The following XPNPEP3 variants were observed in gnomAD, a reference collection of about 807,000 sequenced individuals.
XPNPEP3 encodes xaa-Pro aminopeptidase 3.
Under a neutral mutation model 60.0 loss-of-function variants are expected in XPNPEP3, and 41 were observed. The ratio of observed to expected loss-of-function variants is 0.68; its 90% CI spans 0.53 to 0.89. The LOEUF is 0.89. XPNPEP3 is among the 40% of genes least tolerant of loss of function. The pLI is 0.00. For missense variants in XPNPEP3, 598 were observed against 638.9 expected, an observed-to-expected ratio of 0.94 and a Z score of 0.69; for synonymous variants, 212 against 223.2, an observed-to-expected ratio of 0.95 and a Z score of 0.45.
chr22:40,862,735 CAT>C, intron 1 of XPNPEP3: 1 of 985,384 alleles, frequency 1.0e-6, no homozygotes, highest in Non-Finnish European at 1.2e-6. Context: ...TGCTGTAAAA[CAT>C]GTAATTAAAG....
At chr22:40,923,967 G>A (rs766627293) in intron 8 of XPNPEP3, among the ~76,000 whole-genome samples, 1 of 152,154 alleles carries the variant, frequency 6.6e-6, no homozygotes, top group African/African-American at 2.4e-5. Flanking sequence ...ATGTGTGAAC[G>A]AACATTGGAA....
intron 1 of XPNPEP3, chr22:40,861,114 T>G: frequency 6.2e-7 from 1 of 1,611,344 alleles, no homozygotes; most frequent in Non-Finnish European, 8.5e-7. Flanking sequence ...ACGCTTCTTT[T>G]TTTTCCTCTT....
chr22:40,875,159 A>G (rs1423775875), intron 2 of XPNPEP3, among the ~76,000 whole-genome samples: 2 of 151,912 alleles, frequency 1.3e-5, no homozygotes, highest in African/African-American at 2.4e-5. Flanking sequence ...CAATGTACCT[A>G]TGTAATTTTA....
chr22:40,877,589 T>G (rs2145781547), intron 2 of XPNPEP3, among the ~76,000 whole-genome samples: 1 of 152,374 alleles, frequency 6.6e-6, no homozygotes, highest in East Asian at 1.9e-4. Flanking sequence ...TCAGAACTGA[T>G]AGTGAGACTT....
At chr22:40,864,049 T>C (rs1265230041) in intron 1 of XPNPEP3, among the ~76,000 whole-genome samples, 2 of 152,156 alleles carry the variant, frequency 1.3e-5, no homozygotes, top group Non-Finnish European at 1.5e-5. Flanking sequence ...ATCCACAGAG[T>C]AAAGTAAAAG....
chr22:40,860,670 T>TA, intron 1 of XPNPEP3: 2 of 1,195,220 alleles, frequency 1.7e-6, no homozygotes, highest in Non-Finnish European at 2.3e-6. Flanking sequence ...TTTTTTTTTT[T>TA]AAGACAGGGT....
intron 3 of XPNPEP3, among the ~76,000 whole-genome samples, chr22:40,883,510 C>T (rs993963182): frequency 6.6e-6 from 1 of 152,128 alleles, no homozygotes; most frequent in Non-Finnish European, 1.5e-5. Context: ...CTGGGCACAC[C>T]ACTATGTCTG....
intron 4 of XPNPEP3, among the ~76,000 whole-genome samples, chr22:40,887,301 C>T (rs973314031): frequency 1.3e-5 from 2 of 152,104 alleles, no homozygotes; most frequent in African/African-American, 4.8e-5. Flanking sequence ...TCTGGTCCTC[C>T]CTAGGTGAGG....
chr22:40,916,811 C>T (rs1843111024), intron 7 of XPNPEP3, among the ~76,000 whole-genome samples: 1 of 152,080 alleles, frequency 6.6e-6, no homozygotes. Context: ...AAAGGACAGC[C>T]AGGCGAGGTG....
At chr22:40,893,546 A>G (rs2146259557) in intron 4 of XPNPEP3, among the ~76,000 whole-genome samples, 1 of 151,266 alleles carries the variant, frequency 6.6e-6, no homozygotes, top group South Asian at 2.1e-4. Context: ...CCTGTGAAAC[A>G]GGAATCAAGA....
At chr22:40,893,205 C>T (rs2058095080) in intron 4 of XPNPEP3, among the ~76,000 whole-genome samples, 1 of 146,946 alleles carries the variant, frequency 6.8e-6, no homozygotes. Context: ...GCTTTCCCAA[C>T]ACAGATCCTT....
intron 4 of XPNPEP3, among the ~76,000 whole-genome samples, chr22:40,895,201 A>G (rs1191301718): frequency 2.0e-5 from 3 of 152,184 alleles, no homozygotes; most frequent in Non-Finnish European, 4.4e-5. Flanking sequence ...CATGAATCTG[A>G]TGATTCTTTC....
chr22:40,918,009 TAAAA>T (rs34474574), intron 7 of XPNPEP3, among the ~76,000 whole-genome samples: 1 of 124,914 alleles, frequency 8.0e-6, no homozygotes, highest in Non-Finnish European at 1.7e-5. Flanking sequence ...AGACTCTGTC[TAAAA>T]AAAAAAAAAA....
Position 40,886,523 on chromosome 22 carries a change from T to G in XPNPEP3, c.792+8T>G, listed in dbSNP as rs1231651171. 1 of 1,613,324 alleles carries G rather than the reference T, an allele frequency of 6.2e-7. No individual in the cohort carries two copies. Among genetic ancestry groups the G allele is most frequent in the East Asian group, 2.2e-5 (1 of 44,868 alleles). On this transcript the variant is annotated splice_region_variant and intron_variant, in intron 4 of 9. Coordinates refer to ENST00000357137, the MANE Select transcript of XPNPEP3 (RefSeq NM_022098.4). ...GGGAAGCTGACATCACAGGTATGAT[T>G]CCTATTGAAAAGTTTTTTCCAGCCG...
intron 6 of XPNPEP3, among the ~76,000 whole-genome samples, chr22:40,909,705 T>C (rs2058170061): frequency 6.6e-6 from 1 of 151,416 alleles, no homozygotes; most frequent in Non-Finnish European, 1.5e-5. Flanking sequence ...GCATAAGTTG[T>C]AGTGAGCCGA....
At position 40,865,013 on chromosome 22, in the gene XPNPEP3, C is replaced by T. The variant is rs962910560; in HGVS notation, c.65-3986C>T. The stretch of plus-strand genomic sequence containing the variant: ...TCATATAGTTTGAAAAAACTAATTT[C>T]AGTGGAGTGTAAAGTTATAATACGA... On this transcript the variant is annotated intron_variant, in intron 1 of 9. Coordinates refer to ENST00000357137, the MANE Select transcript of XPNPEP3 (RefSeq NM_022098.4). 7.2e-5 allele frequency among the ~76,000 whole-genome samples: 11 copies of T among 152,202 alleles called. No individual in the cohort carries two copies. The East Asian group carries it at 1.3e-3, about 19-fold the overall frequency.
intron 7 of XPNPEP3, among the ~76,000 whole-genome samples, chr22:40,921,076 G>T (rs1045916921): frequency 6.6e-6 from 1 of 152,168 alleles, no homozygotes; most frequent in Admixed American, 6.5e-5. Context: ...ACAGGCGTGA[G>T]CCACCGCGCC....
At chr22:40,888,770 G>A (rs2058078345) in intron 4 of XPNPEP3, among the ~76,000 whole-genome samples, 1 of 151,670 alleles carries the variant, frequency 6.6e-6, no homozygotes, top group Non-Finnish European at 1.5e-5. Flanking sequence ...GTAATTTTAT[G>A]TTTAATATTT....
At chr22:40,861,438 G>T in intron 1 of XPNPEP3, 1 of 1,614,056 alleles carries the variant, frequency 6.2e-7, no homozygotes, top group East Asian at 2.2e-5. Context: ...AGTTGTAACA[G>T]ATATGTAGTT....
Sources: gnomAD v4.1 joint callset for allele counts (sites outside exome capture counted in the v4.1 genomes callset) on GRCh38, gnomAD v4.1.1 for gene constraint, MANE v1.5 for transcripts, NCBI Gene and HGNC (gene_info 2026-07-23, HGNC 2026-07-21) for gene names.